Variants in FHIT observed in about 807,000 individuals in gnomAD.
FHIT encodes bis(5'-adenosyl)-triphosphatase.
A neutral mutation model predicts 17.9 loss-of-function variants in FHIT; 19 were observed. The ratio of observed to expected loss-of-function variants is 1.06; its 90% CI spans 0.74 to 1.56. The LOEUF (loss-of-function observed/expected upper bound fraction) is 1.56, where lower values mean the gene tolerates loss of function less well. Ranked by LOEUF, FHIT falls within the 40% of genes most tolerant of loss-of-function variation. The probability of loss-of-function intolerance (pLI) is 0.00; values close to 1 mark genes in which losing one functional copy is unlikely to be tolerated. For missense variants in FHIT, 248 were observed against 189.2 expected (o/e 1.31, Z -1.82); for synonymous variants, 81 against 69.7 (o/e 1.16, Z -0.81).
chr3:60,117,418 G>T (rs1419922567), intron 5 of FHIT, among the ~76,000 whole-genome samples: 2 of 141,910 alleles, frequency 1.4e-5, no homozygotes, highest in East Asian at 4.3e-4. Context: ...TTTTATTACA[G>T]CTTCAGTGAT....
At chr3:60,258,228 A>C (rs916396984) in intron 5 of FHIT, among the ~76,000 whole-genome samples, 1 of 152,072 alleles carries the variant, frequency 6.6e-6, no homozygotes, top group African/African-American at 2.4e-5. Flanking sequence ...GGTGTTGTAC[A>C]TCCCATGAAA....
At chr3:60,357,650 A>T (rs1366059290) in intron 5 of FHIT, among the ~76,000 whole-genome samples, 1 of 152,216 alleles carries the variant, frequency 6.6e-6, no homozygotes, top group Non-Finnish European at 1.5e-5. Flanking sequence ...CAAAGCCAGG[A>T]AGCTTAATCC....
chr3:60,914,749 A>G (rs1328548789), intron 3 of FHIT, among the ~76,000 whole-genome samples: 1 of 152,246 alleles, frequency 6.6e-6, no homozygotes, highest in African/African-American at 2.4e-5. Context: ...ATAACCTTGT[A>G]TTAATAATGA....
intron 5 of FHIT, among the ~76,000 whole-genome samples, chr3:60,283,656 G>A (rs896666154): frequency 1.3e-5 from 2 of 152,070 alleles, no homozygotes; most frequent in African/African-American, 4.8e-5. Context: ...CATCCTGTCA[G>A]TATTTAAGGT....
At chr3:60,789,014 GACAT>G (rs1700678422) in intron 4 of FHIT, among the ~76,000 whole-genome samples, 1 of 151,284 alleles carries the variant, frequency 6.6e-6, no homozygotes, top group Non-Finnish European at 1.5e-5. Context: ...ACTGGCTAAA[GACAT>G]TCCCTAAGGT....
At chr3:60,372,720 T>C (rs1307078176) in intron 5 of FHIT, among the ~76,000 whole-genome samples, 1 of 152,232 alleles carries the variant, frequency 6.6e-6, no homozygotes, top group East Asian at 1.9e-4. Flanking sequence ...TCTTCCATTC[T>C]CAATTTGCTT....
intron 2 of FHIT, among the ~76,000 whole-genome samples, chr3:61,094,105 C>T (rs897643251): frequency 2.0e-5 from 3 of 146,598 alleles, no homozygotes; most frequent in Admixed American, 2.0e-4. Flanking sequence ...CACATATATA[C>T]ATGTATGAAT....
At chr3:60,066,752 G>A (rs34939144) in intron 5 of FHIT, among the ~76,000 whole-genome samples, 49,997 of 146,534 alleles carry the variant, frequency 0.34, 9,632 homozygotes, top group African/African-American at 0.54. Flanking sequence ...CGCCTCGCGG[G>A]TTCACGCCAT....
chr3:60,936,847 G>T (rs1553773190), intron 3 of FHIT, among the ~76,000 whole-genome samples: 1 of 151,894 alleles, frequency 6.6e-6, no homozygotes, highest in South Asian at 2.1e-4. Flanking sequence ...TACAAAGAAA[G>T]CAAAGAAAAA....
At chr3:60,266,193 G>A (rs974499246) in intron 5 of FHIT, among the ~76,000 whole-genome samples, 6 of 151,830 alleles carry the variant, frequency 4.0e-5, no homozygotes, top group Non-Finnish European at 5.9e-5. Context: ...TGTGGTACAC[G>A]CATACAATGG....
chr3:60,922,691 T>C (rs1408760524), intron 3 of FHIT, among the ~76,000 whole-genome samples: 1 of 152,210 alleles, frequency 6.6e-6, no homozygotes, highest in African/African-American at 2.4e-5. Context: ...CAGCCATTTC[T>C]CTCCCTTCCC....
At chr3:60,110,001 C>T (rs1260333233) in intron 5 of FHIT, among the ~76,000 whole-genome samples, 8 of 152,108 alleles carry the variant, frequency 5.3e-5, no homozygotes, top group Admixed American at 1.3e-4. Flanking sequence ...GTTTTCTTTT[C>T]GAGACCTCGA....
intron 5 of FHIT, among the ~76,000 whole-genome samples, chr3:60,195,391 G>C (rs902190913): frequency 3.3e-5 from 5 of 151,434 alleles, no homozygotes; most frequent in African/African-American, 1.2e-4. Context: ...ATTCTATCTT[G>C]CGATCCCAAT....
chr3:60,557,068 T>G (rs1184507978), intron 4 of FHIT, among the ~76,000 whole-genome samples: 1 of 152,244 alleles, frequency 6.6e-6, no homozygotes, highest in Non-Finnish European at 1.5e-5. Flanking sequence ...GAGCTAATAT[T>G]CCTGTAGCCC....
intron 5 of FHIT, among the ~76,000 whole-genome samples, chr3:60,108,948 C>G (rs1171117664): frequency 6.6e-6 from 1 of 152,188 alleles, no homozygotes; most frequent in Non-Finnish European, 1.5e-5. Flanking sequence ...CAGGCGTGAG[C>G]CACCATGCCC....
chr3:60,145,780 A>T (rs921496320), intron 5 of FHIT, among the ~76,000 whole-genome samples: 1 of 152,162 alleles, frequency 6.6e-6, no homozygotes, highest in African/African-American at 2.4e-5. Flanking sequence ...ATTCTGTCTC[A>T]AAACTTCAGG....
intron 5 of FHIT, among the ~76,000 whole-genome samples, chr3:60,210,433 A>T (rs1451149667): frequency 6.6e-6 from 1 of 152,222 alleles, no homozygotes; most frequent in Non-Finnish European, 1.5e-5. Flanking sequence ...CAAAGTAATA[A>T]GGAAAAACAT....
chr3:60,985,226 G>T (rs913469142), intron 3 of FHIT, among the ~76,000 whole-genome samples: 1 of 152,140 alleles, frequency 6.6e-6, no homozygotes, highest in Admixed American at 6.6e-5. Context: ...CATTTTGAAT[G>T]TGTTCTGTGT....
chr3:59,966,818 C>T (rs1335560907), intron 7 of FHIT, among the ~76,000 whole-genome samples: 2 of 152,182 alleles, frequency 1.3e-5, no homozygotes, highest in South Asian at 2.1e-4. Context: ...TATAGACTTT[C>T]TGTACACTGT....
Sources: gnomAD v4.1 joint callset for allele counts (sites outside exome capture counted in the v4.1 genomes callset) on GRCh38, gnomAD v4.1.1 for gene constraint, MANE v1.5 for transcripts, NCBI Gene and HGNC (gene_info 2026-07-23, HGNC 2026-07-21) for gene names.